The following PRDM2 variants were observed in gnomAD, a reference collection of about 807,000 sequenced individuals.
PRDM2 encodes the protein PR domain zinc finger protein 2.
Under a neutral mutation model 130.0 loss-of-function variants are expected in PRDM2, and 30 were observed. The ratio of observed to expected loss-of-function variants is 0.23; its 90% CI spans 0.17 to 0.31. The LOEUF (loss-of-function observed/expected upper bound fraction) is 0.31. PRDM2 is among the 10% of genes least tolerant of loss of function. PRDM2 has a pLI of 1.00. For synonymous variants in PRDM2, 871 were observed against 782.4 expected (o/e 1.11, Z -1.89); for missense variants, 2,011 against 2,108.4 (o/e 0.95, Z 0.90).
chr1:13,700,502 C>T (rs1642037667), intron 1 of PRDM2, among the ~76,000 whole-genome samples: 1 of 149,970 alleles, frequency 6.7e-6, no homozygotes, highest in South Asian at 2.1e-4. Flanking sequence ...GGGTCGGTGG[C>T]CCCGCGGGTG....
At chr1:13,777,678 C>T (rs1048912550) in intron 7 of PRDM2, among the ~76,000 whole-genome samples, 1 of 104,382 alleles carries the variant, frequency 9.6e-6, no homozygotes, top group Non-Finnish European at 1.8e-5. Flanking sequence ...CCTTAGGTCT[C>T]TCCTCCACTG....
intron 7 of PRDM2, 119 bp downstream of exon 7, chr1:13,773,307 G>A: frequency 1.8e-6 from 1 of 556,604 alleles, no homozygotes; most frequent in Non-Finnish European, 2.9e-6. Flanking sequence ...AGGTTAAACA[G>A]CAAAAAAGCT....
chr1:13,787,479 C>T, intron 8 of PRDM2: 1 of 985,278 alleles, frequency 1.0e-6, no homozygotes, highest in East Asian at 1.1e-4. Context: ...TTTTTGTTCT[C>T]AACTTCAAAA....
intron 1 of PRDM2, among the ~76,000 whole-genome samples, chr1:13,708,248 A>G (rs1282601869): frequency 6.6e-6 from 1 of 152,058 alleles, no homozygotes; most frequent in Non-Finnish European, 1.5e-5. Flanking sequence ...GGAATGCCAC[A>G]ATCTAAATGC....
chr1:13,756,590 A>G (rs1313404139), intron 6 of PRDM2, among the ~76,000 whole-genome samples: 2 of 152,258 alleles, frequency 1.3e-5, no homozygotes, highest in African/African-American at 2.4e-5. Context: ...TAAGTGAAAA[A>G]GAGAAATACT....
At chr1:13,776,828 G>A (rs902237443) in intron 7 of PRDM2, among the ~76,000 whole-genome samples, 15 of 152,108 alleles carry the variant, frequency 9.9e-5, no homozygotes, top group African/African-American at 3.6e-4. Flanking sequence ...CAGTCGTGGA[G>A]TCATCTGGGA....
chr1:13,823,359 G>A lies in PRDM2; in HGVS notation c.*224G>A, dbSNP rs3820015. 0.027 allele frequency: 18,867 copies of A among 699,486 alleles called. 820 individuals carry two copies. Among genetic ancestry groups the A allele is most frequent in the South Asian group, 0.14 (7,750 of 56,950 alleles). 43.3% of individuals were successfully genotyped at this position (699,486 alleles called of 1,614,324 possible). ...AAACGAGGGTCCCGATCCCCGGGGC[G>A]GCAGGAAGGGGGCCGACTCCACGCT... On this transcript the variant is annotated 3_prime_UTR_variant, in exon 10 of 10. Transcript: ENST00000311066.
chr1:13,722,787 G>A, intron 2 of PRDM2: 7 of 510,292 alleles, frequency 1.4e-5, no homozygotes, highest in Middle Eastern at 6.4e-4. Context: ...AACGTTGACA[G>A]TCTCTAAAGC....
intron 9 of PRDM2, among the ~76,000 whole-genome samples, chr1:13,818,192 G>C (rs1645288538): frequency 6.6e-6 from 1 of 152,160 alleles, no homozygotes; most frequent in Non-Finnish European, 1.5e-5. Flanking sequence ...GCGTAGGTTT[G>C]GGAATGTGTG....
At chr1:13,739,987 G>A (rs1009204328) in intron 4 of PRDM2, among the ~76,000 whole-genome samples, 1 of 152,122 alleles carries the variant, frequency 6.6e-6, no homozygotes, top group African/African-American at 2.4e-5. Flanking sequence ...GTATTCGTTT[G>A]TGAATTACTT....
intron 8 of PRDM2, among the ~76,000 whole-genome samples, chr1:13,795,287 C>T (rs1466799225): frequency 1.3e-5 from 2 of 152,202 alleles, no homozygotes; most frequent in Non-Finnish European, 2.9e-5. Context: ...TGTATTACCT[C>T]ATTTAATCTT....
rs766148750 is a variant in PRDM2, at chr1:13,782,799, C to G, written c.5004C>G (p.Asp1668Glu). ...AADLSENKRE[D>E]GSAKQELKDF... Reference sequence around the variant, plus strand: ...ACTTGAGTGAGAACAAGAGAGAGGACGGCAGCGCCAAGCAGGAGCTGAAGG... The same window carrying G: ...ACTTGAGTGAGAACAAGAGAGAGGAGGGCAGCGCCAAGCAGGAGCTGAAGG... Residue 1668 changes from aspartate to glutamate, a missense_variant, in exon 8 of 10, where the codon GAC becomes GAG. Around this residue, in one of 5 missense-constraint regions of PRDM2, gnomAD observed 410 missense variants for 395.9 expected, o/e 1.04. Transcript: ENST00000311066. 1 of 1,608,440 alleles carries G rather than the reference C, an allele frequency of 6.2e-7. No homozygotes were observed. The highest frequency in any genetic ancestry group is 1.7e-5 in the Admixed American group (1 of 58,518).
At chr1:13,819,841 C>T (rs745936526) in intron 9 of PRDM2, among the ~76,000 whole-genome samples, 2 of 152,174 alleles carry the variant, frequency 1.3e-5, no homozygotes, top group Non-Finnish European at 2.9e-5. Context: ...CTCATCTCAT[C>T]GTGAGCCCTG....
intron 4 of PRDM2, among the ~76,000 whole-genome samples, chr1:13,736,664 A>G (rs1643283075): frequency 6.6e-6 from 1 of 152,130 alleles, no homozygotes; most frequent in Admixed American, 6.5e-5. Flanking sequence ...CTTTTTATAA[A>G]TTTTGCCAAA....
At chr1:13,822,020 GC>G (rs1266691230) in intron 9 of PRDM2, among the ~76,000 whole-genome samples, 1 of 152,170 alleles carries the variant, frequency 6.6e-6, no homozygotes, top group Non-Finnish European at 1.5e-5. Flanking sequence ...TGTGTTGCCT[GC>G]CATGAGGGTT....
At chr1:13,783,266 GT>G (rs1644661324) in intron 8 of PRDM2, 2 of 446,334 alleles carry the variant, frequency 4.5e-6, no homozygotes, top group Middle Eastern at 5.6e-4. Flanking sequence ...TAATATTTCT[GT>G]GACTTCAGCA....
chr1:13,765,398 T>C (rs773952539), intron 6 of PRDM2, among the ~76,000 whole-genome samples: 3 of 152,204 alleles, frequency 2.0e-5, no homozygotes, highest in Non-Finnish European at 4.4e-5. Context: ...ACTAGGCACA[T>C]ATGCAGCAGA....
chr1:13,798,074 G>C (rs774833606), intron 8 of PRDM2, among the ~76,000 whole-genome samples: 1 of 152,152 alleles, frequency 6.6e-6, no homozygotes, highest in Non-Finnish European at 1.5e-5. Flanking sequence ...GGACATTTCT[G>C]AGTGTCGTAG....
intron 7 of PRDM2, among the ~76,000 whole-genome samples, chr1:13,774,660 CACA>C (rs1273369995): frequency 1.2e-4 from 18 of 152,282 alleles, no homozygotes; most frequent in Admixed American, 1.0e-3. Context: ...TTTCTCCTGA[CACA>C]ACATCAGGTC....
Sources: allele counts gnomAD v4.1 joint callset (sites outside exome capture counted in the v4.1 genomes callset), GRCh38; gene constraint gnomAD v4.1.1; regional missense constraint gnomAD v4.1.1; transcripts MANE v1.5; gene names NCBI Gene and HGNC (gene_info 2026-07-23, HGNC 2026-07-21).